Variants in WWOX observed in about 807,000 individuals in gnomAD.
The protein encoded by WWOX is WW domain containing oxidoreductase.
A neutral mutation model predicts 46.2 loss-of-function variants in WWOX; 69 were observed. The observed-to-expected ratio is 1.49, with a 90% CI of 1.23 to 1.82. The LOEUF (loss-of-function observed/expected upper bound fraction) is 1.82. WWOX is among the 40% of genes most tolerant of loss of function. WWOX has a pLI of 0.00. For synonymous variants in WWOX, 359 were observed against 202.6 expected, an observed-to-expected ratio of 1.77 and a Z score of -6.56; for missense variants, 919 against 542.6, an observed-to-expected ratio of 1.69 and a Z score of -6.89.
At chr16:78,646,058 G>T (rs1165694862) in intron 8 of WWOX, among the ~76,000 whole-genome samples, 2 of 151,910 alleles carry the variant, frequency 1.3e-5, no homozygotes, top group East Asian at 1.9e-4. Flanking sequence ...GACTGCATTG[G>T]TCTTCCTTGG....
chr16:78,259,980 A>G (rs2038235358), intron 5 of WWOX, among the ~76,000 whole-genome samples: 1 of 151,336 alleles, frequency 6.6e-6, no homozygotes, highest in Non-Finnish European at 1.5e-5. Context: ...AGAAATGTAA[A>G]CTAAGTGCTT....
intron 8 of WWOX, among the ~76,000 whole-genome samples, chr16:78,755,230 T>A (rs994668580): frequency 9.0e-6 from 1 of 111,342 alleles, no homozygotes; most frequent in African/African-American, 3.1e-5. Context: ...AAAAAAAGTT[T>A]CATCAAAAAA....
intron 8 of WWOX, among the ~76,000 whole-genome samples, chr16:78,468,677 G>A (rs941113972): frequency 2.0e-5 from 3 of 152,126 alleles, no homozygotes; most frequent in Non-Finnish European, 2.9e-5. Flanking sequence ...CCTAGCCTAC[G>A]TTACTGCACC....
intron 8 of WWOX, among the ~76,000 whole-genome samples, chr16:78,934,337 C>CAAAAAAAATAAAAAAAAAAA (rs2045689424): frequency 1.3e-5 from 1 of 78,316 alleles, no homozygotes; most frequent in Non-Finnish European, 2.4e-5. Context: ...GTCTCCGTCT[C>CAAAAAAAATAAAAAAAAAAA]AAAAAAAAAA....
chr16:78,457,872 C>G (rs1455171815), intron 8 of WWOX, among the ~76,000 whole-genome samples: 1 of 145,952 alleles, frequency 6.9e-6, no homozygotes, highest in Admixed American at 6.9e-5. Context: ...GCCAAGATCG[C>G]CCTACTGCAC....
chr16:78,537,447 G>C (rs1341239774), intron 8 of WWOX, among the ~76,000 whole-genome samples: 2 of 152,156 alleles, frequency 1.3e-5, no homozygotes, highest in Non-Finnish European at 2.9e-5. Context: ...GCCCATTAAT[G>C]TGATACCTAC....
chr16:78,182,175 G>A (rs1036713133), intron 5 of WWOX, among the ~76,000 whole-genome samples: 1 of 152,146 alleles, frequency 6.6e-6, no homozygotes, highest in African/African-American at 2.4e-5. Flanking sequence ...TGTAACTTGG[G>A]GATGATGACA....
At chr16:78,955,642 A>T (rs1244824528) in intron 8 of WWOX, among the ~76,000 whole-genome samples, 1 of 151,222 alleles carries the variant, frequency 6.6e-6, no homozygotes, top group Non-Finnish European at 1.5e-5. Flanking sequence ...TTTTATTTTT[A>T]AAATTTATTT....
At chr16:79,123,422 G>C (rs1463130477) in intron 8 of WWOX, among the ~76,000 whole-genome samples, 2 of 152,168 alleles carry the variant, frequency 1.3e-5, no homozygotes, top group East Asian at 1.9e-4. Flanking sequence ...AATGAGGGCA[G>C]CTGGGGAGTG....
At chr16:78,450,215 G>C (rs7202594) in intron 8 of WWOX, among the ~76,000 whole-genome samples, 21,116 of 152,068 alleles carry the variant, frequency 0.14, 1,875 homozygotes, top group East Asian at 0.3. Context: ...TCTTCACATG[G>C]CACCTTGTGT....
intron 5 of WWOX, among the ~76,000 whole-genome samples, chr16:78,337,355 G>A (rs1055963120): frequency 5.3e-5 from 8 of 152,130 alleles, no homozygotes; most frequent in Admixed American, 2.0e-4. Flanking sequence ...CCCACCGATC[G>A]CAATTGAGCA....
At chr16:78,489,542 T>A (rs1488137535) in intron 8 of WWOX, among the ~76,000 whole-genome samples, 1 of 152,138 alleles carries the variant, frequency 6.6e-6, no homozygotes, top group Non-Finnish European at 1.5e-5. Flanking sequence ...AGCTTTCAAA[T>A]ATGTACGTAA....
rs995932140 is a variant in WWOX at position 78,884,293 on chromosome 16, A to C, written c.1057-327315A>C. ...GTCTCCAAAAAAAAAAAAAAAAAAA[A>C]CAAAAGACCATTTTTAAGACTATGA... On this transcript the variant is annotated intron_variant, in intron 8 of 8. Transcript: ENST00000566780. 4.3e-4 allele frequency among the ~76,000 whole-genome samples: 43 copies of C among 99,890 alleles called. 1 individual carries two copies. Among genetic ancestry groups the C allele is most frequent in the Admixed American group, 1.2e-4 (1 of 8,204 alleles). 65.5% of individuals were successfully genotyped at this position (99,890 alleles called of 152,430 possible). A position where few individuals can be genotyped will look rare whatever the true frequency, so the allele number is the denominator to read the frequency against.
chr16:78,436,975 A>G (rs2083348947), intron 8 of WWOX, among the ~76,000 whole-genome samples: 1 of 152,184 alleles, frequency 6.6e-6, no homozygotes, highest in Non-Finnish European at 1.5e-5. Flanking sequence ...TCTAATTGTG[A>G]TTGAGAAGCT....
chr16:79,137,711 C>G (rs1208664672), intron 8 of WWOX, among the ~76,000 whole-genome samples: 1 of 152,100 alleles, frequency 6.6e-6, no homozygotes, highest in African/African-American at 2.4e-5. Flanking sequence ...CGACCCTCCT[C>G]CATCCCCTTC....
chr16:78,635,841 T>G (rs2046554122), intron 8 of WWOX, among the ~76,000 whole-genome samples: 1 of 152,164 alleles, frequency 6.6e-6, no homozygotes. Context: ...TGGCGTTTCC[T>G]TGCAGATATC....
chr16:78,788,745 AACTT>A (rs1567560352), intron 8 of WWOX, among the ~76,000 whole-genome samples: 2 of 152,136 alleles, frequency 1.3e-5, no homozygotes, highest in Non-Finnish European at 2.9e-5. Flanking sequence ...GGGTTATGGG[AACTT>A]CCACCTGAAG....
At chr16:78,676,084 T>G (rs2047591632) in intron 8 of WWOX, among the ~76,000 whole-genome samples, 1 of 152,030 alleles carries the variant, frequency 6.6e-6, no homozygotes, top group Non-Finnish European at 1.5e-5. Context: ...ACGTTACTAC[T>G]CCATAAGCAA....
At chr16:78,328,490 A>G (rs1217199303) in intron 5 of WWOX, among the ~76,000 whole-genome samples, 1 of 152,162 alleles carries the variant, frequency 6.6e-6, no homozygotes, top group Admixed American at 6.5e-5. Context: ...TGCTGGTAAG[A>G]TGATGATGAT....
Sources: allele counts gnomAD v4.1 joint callset (sites outside exome capture counted in the v4.1 genomes callset), GRCh38; gene constraint gnomAD v4.1.1; transcripts MANE v1.5; gene names NCBI Gene and HGNC (gene_info 2026-07-23, HGNC 2026-07-21).